PCDHA6: variants seen among roughly 807,000 people sequenced by gnomAD.
PCDHA6 encodes protocadherin alpha 6, also known as protocadherin alpha-6.
PCDHA6 carries 55 observed loss-of-function variants against 60.3 expected under a neutral mutation model. That is an observed-to-expected ratio of 0.91 (90% CI 0.73 to 1.14). The LOEUF (loss-of-function observed/expected upper bound fraction) is 1.14, where lower values mean the gene tolerates loss of function less well. PCDHA6 is among the 50% of genes most tolerant of loss of function. The pLI is 0.00. For synonymous variants in PCDHA6, 652 were observed against 557.9 expected, an observed-to-expected ratio of 1.17 and a Z score of -2.38; for missense variants, 1,327 against 1,256.5, an observed-to-expected ratio of 1.06 and a Z score of -0.85.
intron 1 of PCDHA6, chr5:140,877,065 G>T (rs782807909): frequency 6.2e-7 from 1 of 1,613,044 alleles, no homozygotes; most frequent in Non-Finnish European, 8.5e-7. Flanking sequence ...TGGAGCTGCT[G>T]CAGTTCCAGG....
chr5:140,851,882 G>A lies in PCDHA6; in HGVS notation c.2394+21397G>A. ...CATACATAACACAAGGCAGAAATCT[G>A]GATATGAGATTTGCCTCTTTAATGT... On this transcript the variant is annotated intron_variant, in intron 1 of 3. Transcript: ENST00000529310. The A allele has an allele frequency of 2.0e-6, 2 of 976,778 alleles. 1 individual carries two copies. Among genetic ancestry groups the A allele is most frequent in the Non-Finnish European group, 2.5e-6 (2 of 809,414 alleles). The allele number at this position is 976,778 out of a possible 1,614,324, so 60.5% of individuals were successfully genotyped here. A position where few individuals can be genotyped will look rare whatever the true frequency, so the allele number is the denominator to read the frequency against.
intron 1 of PCDHA6, chr5:140,883,703 G>C: frequency 6.2e-7 from 1 of 1,613,802 alleles, no homozygotes; most frequent in Non-Finnish European, 8.5e-7. Context: ...CACGGTGTCT[G>C]CTCAGGACGC....
At chr5:140,833,265 A>T (rs1554133806) in intron 1 of PCDHA6, among the ~76,000 whole-genome samples, 1 of 152,214 alleles carries the variant, frequency 6.6e-6, no homozygotes, top group East Asian at 1.9e-4. Context: ...AGCAGCAATT[A>T]TAAAAACTTA....
intron 1 of PCDHA6, chr5:140,969,335 A>G (rs782267073): frequency 1.2e-6 from 2 of 1,614,012 alleles, no homozygotes; most frequent in Admixed American, 3.3e-5. Context: ...AAATGAGGTG[A>G]GACAGTGGTC....
chr5:140,995,544 A>T (rs2097688289), intron 3 of PCDHA6, among the ~76,000 whole-genome samples: 1 of 152,234 alleles, frequency 6.6e-6, no homozygotes, highest in African/African-American at 2.4e-5. Context: ...ATAAGGGGCG[A>T]TCACTGTACT....
chr5:140,869,739 A>G lies in PCDHA6; in HGVS notation c.2394+39254A>G, dbSNP rs541641507. 5 of 1,613,386 alleles carry G rather than the reference A, an allele frequency of 3.1e-6. No individual in the cohort carries two copies. In the South Asian group the frequency reaches 5.5e-5, roughly 18 times the overall value. Reference sequence around the variant, plus strand: ...AAACTCCGGAACTTAATTTGCTGCTAACAGCTACAGACGGGGGAAAACCAG... The same window carrying G: ...AAACTCCGGAACTTAATTTGCTGCTGACAGCTACAGACGGGGGAAAACCAG... On this transcript the variant is annotated intron_variant, in intron 1 of 3. Transcript: ENST00000529310.
rs2098416892 is a variant in PCDHA6, at chr5:141,010,305, G to A, written c.*368G>A. ...TGACACTTGCAGGGCAGGCTGAAAA[G>A]TTTTGAGATTGAGCAGCTTGGGAGT... is the stretch of plus-strand genomic sequence containing the variant. On this transcript the variant is annotated 3_prime_UTR_variant, in exon 4 of 4. Coordinates refer to ENST00000529310, the MANE Select transcript of PCDHA6 (RefSeq NM_018909.4). 1 of 1,548,478 alleles carries A rather than the reference G, an allele frequency of 6.5e-7. No individual in the cohort carries two copies. The highest frequency in any genetic ancestry group is 2.4e-5 in the East Asian group (1 of 40,890).
rs782366361 is a variant in PCDHA6, at chr5:140,884,693, T to C, written c.2394+54208T>C. On this transcript the variant is annotated intron_variant, in intron 1 of 3. Coordinates refer to ENST00000529310, the MANE Select transcript of PCDHA6 (RefSeq NM_018909.4). ...CTTATATTTTAAAAAATTGTCTTAGTAAACACTTTAGCCTTCCTTGCAGTT... is the reference window on the plus strand; with the variant it reads ...CTTATATTTTAAAAAATTGTCTTAGCAAACACTTTAGCCTTCCTTGCAGTT... The C allele has an allele frequency of 2.1e-5, 32 of 1,524,768 alleles. No individual in the cohort carries two copies. The East Asian group carries it at 6.9e-4, about 33-fold the overall frequency. The allele number at this position is 1,524,768 out of a possible 1,614,324, so 94.5% of individuals were successfully genotyped here. A position where few individuals can be genotyped will look rare whatever the true frequency, so the allele number is the denominator to read the frequency against.
chr5:140,843,653 C>T lies in PCDHA6; in HGVS notation c.2394+13168C>T, dbSNP rs2150364582. On this transcript the variant is annotated intron_variant, in intron 1 of 3. Coordinates refer to ENST00000529310, the MANE Select transcript of PCDHA6 (RefSeq NM_018909.4). ...CATGGCCTTCAGCCCCTGCCTTCCT[C>T]CTGATCTGGGATCAGTTGATGTAGG... is the stretch of plus-strand genomic sequence containing the variant. 2.4e-5 allele frequency: 38 copies of T among 1,595,020 alleles called. 6 individuals carry two copies. The highest frequency in any genetic ancestry group is 3.0e-5 in the Non-Finnish European group (35 of 1,164,614).
intron 1 of PCDHA6, chr5:140,869,960 C>G: frequency 6.2e-7 from 1 of 1,612,264 alleles, no homozygotes; most frequent in Non-Finnish European, 8.5e-7. Flanking sequence ...TCAATTAAGC[C>G]CAATGGAAGA....
intron 1 of PCDHA6, among the ~76,000 whole-genome samples, chr5:140,914,094 T>A (rs563496078): frequency 6.9e-4 from 105 of 152,324 alleles, no homozygotes; most frequent in African/African-American, 2.5e-3. Context: ...GTCAATTTGT[T>A]CTATAGTGCA....
At chr5:140,868,935 G>A in intron 1 of PCDHA6, 1 of 1,171,026 alleles carries the variant, frequency 8.5e-7, no homozygotes, top group South Asian at 1.6e-5. Flanking sequence ...TTAAAGGTTG[G>A]TCTGAACAGT....
chr5:140,953,316 T>G (rs782746401), intron 1 of PCDHA6, among the ~76,000 whole-genome samples: 3 of 152,138 alleles, frequency 2.0e-5, no homozygotes, highest in Non-Finnish European at 2.9e-5. Flanking sequence ...TGGGAAGAAT[T>G]TGATCATAGA....
chr5:140,832,994 A>G (rs1435786520), intron 1 of PCDHA6, among the ~76,000 whole-genome samples: 1 of 152,222 alleles, frequency 6.6e-6, no homozygotes, highest in Non-Finnish European at 1.5e-5. Flanking sequence ...GGAATAGTCC[A>G]CTTTGGGTAA....
chr5:140,975,216 G>C (rs1349439819), intron 1 of PCDHA6, among the ~76,000 whole-genome samples: 1 of 152,198 alleles, frequency 6.6e-6, no homozygotes, highest in Admixed American at 6.5e-5. Flanking sequence ...TGGCACTGGA[G>C]AATCTTCCCT....
At chr5:140,888,956 G>A (rs1043287613) in intron 1 of PCDHA6, among the ~76,000 whole-genome samples, 1 of 151,722 alleles carries the variant, frequency 6.6e-6, no homozygotes, top group Non-Finnish European at 1.5e-5. Context: ...TTTTTCTTTG[G>A]CAATGTTAAT....
intron 1 of PCDHA6, among the ~76,000 whole-genome samples, chr5:140,943,312 A>G (rs1229555554): frequency 1.3e-5 from 2 of 150,890 alleles, no homozygotes; most frequent in African/African-American, 2.4e-5. Context: ...AGTCATTATT[A>G]GCAATATTGT....
chr5:140,931,546 A>G (rs1416561002), intron 1 of PCDHA6, among the ~76,000 whole-genome samples: 1 of 152,048 alleles, frequency 6.6e-6, no homozygotes, highest in Non-Finnish European at 1.5e-5. Flanking sequence ...TACTGTTCAT[A>G]TGTGCAGGAA....
At chr5:140,927,400 C>A in intron 1 of PCDHA6, 1 of 1,614,126 alleles carries the variant, frequency 6.2e-7, no homozygotes, top group Non-Finnish European at 8.5e-7. Context: ...TCAGCACTTT[C>A]GCCTGGACAT....
Sources: allele counts gnomAD v4.1 joint callset (sites outside exome capture counted in the v4.1 genomes callset), GRCh38; gene constraint gnomAD v4.1.1; transcripts MANE v1.5; gene names NCBI Gene and HGNC (gene_info 2026-07-23, HGNC 2026-07-21).